Variants in UBE2E2 observed in about 807,000 individuals in gnomAD.
UBE2E2 encodes ubiquitin conjugating enzyme E2 E2, also known as ubiquitin-conjugating enzyme E2 E2.
In UBE2E2, 6 loss-of-function variants were observed where a neutral mutation model predicts 24.7. The ratio of observed to expected loss-of-function variants is 0.24; its 90% CI spans 0.13 to 0.48. The LOEUF is 0.48. Among genes scored for constraint, UBE2E2 ranks in the 20% least tolerant of loss-of-function variants. UBE2E2 has a pLI of 0.99. For missense variants in UBE2E2, 169 were observed against 245.0 expected, an observed-to-expected ratio of 0.69 and a Z score of 2.07; for synonymous variants, 104 against 83.6, an observed-to-expected ratio of 1.24 and a Z score of -1.33.
intron 3 of UBE2E2, among the ~76,000 whole-genome samples, chr3:23,320,942 C>T (rs546877992): frequency 6.6e-6 from 1 of 152,316 alleles, no homozygotes; most frequent in East Asian, 1.9e-4. Flanking sequence ...TAGTGCCTCA[C>T]AGTTCTGAGA....
chr3:23,480,422 T>C (rs1699232751), intron 3 of UBE2E2, among the ~76,000 whole-genome samples: 2 of 152,182 alleles, frequency 1.3e-5, no homozygotes, highest in South Asian at 2.1e-4. Context: ...TCTGGAGCCA[T>C]GGCTGGGTGG....
intron 3 of UBE2E2, among the ~76,000 whole-genome samples, chr3:23,458,132 T>C (rs193083054): frequency 9.8e-4 from 149 of 152,238 alleles, no homozygotes; most frequent in African/African-American, 3.3e-3. Flanking sequence ...TCATCATTGC[T>C]AGCTTTTGAT....
chr3:23,317,594 G>A (rs1167201637), intron 3 of UBE2E2, among the ~76,000 whole-genome samples: 2 of 152,174 alleles, frequency 1.3e-5, no homozygotes, highest in Non-Finnish European at 2.9e-5. Flanking sequence ...AATGGTGGAA[G>A]GCAAGGAGGA....
chr3:23,295,386 T>G (rs1376652680), intron 3 of UBE2E2, among the ~76,000 whole-genome samples: 1 of 152,178 alleles, frequency 6.6e-6, no homozygotes, highest in Non-Finnish European at 1.5e-5. Flanking sequence ...TGTTTCTCTG[T>G]GTTTTAGGGT....
At chr3:23,211,722 A>C (rs1257348858) in intron 2 of UBE2E2, among the ~76,000 whole-genome samples, 1 of 152,128 alleles carries the variant, frequency 6.6e-6, no homozygotes, top group Non-Finnish European at 1.5e-5. Flanking sequence ...ATAATTTAAC[A>C]GCTCAAAGCC....
At chr3:23,584,833 A>G (rs1696581005) in intron 5 of UBE2E2, among the ~76,000 whole-genome samples, 1 of 150,628 alleles carries the variant, frequency 6.6e-6, no homozygotes, top group South Asian at 2.1e-4. Flanking sequence ...CAACCTCCCA[A>G]AGTGCTGAGA....
intron 3 of UBE2E2, among the ~76,000 whole-genome samples, chr3:23,300,790 TTG>T: frequency 6.6e-6 from 1 of 152,240 alleles, no homozygotes; most frequent in East Asian, 1.9e-4. Flanking sequence ...AGAAGTATCT[TTG>T]TGGTGTTCTC....
intron 3 of UBE2E2, among the ~76,000 whole-genome samples, chr3:23,497,242 A>G (rs1239542534): frequency 6.6e-6 from 1 of 152,180 alleles, no homozygotes; most frequent in East Asian, 1.9e-4. Context: ...CAGAATCACT[A>G]GTGGCCCTTC....
At chr3:23,329,418 T>A (rs1695001693) in intron 3 of UBE2E2, among the ~76,000 whole-genome samples, 1 of 152,194 alleles carries the variant, frequency 6.6e-6, no homozygotes, top group African/African-American at 2.4e-5. Context: ...TGTTTATATT[T>A]TGCCGAAGTA....
chr3:23,416,987 G>A lies in UBE2E2; in HGVS notation c.228-82621G>A, dbSNP rs1035680415. Among the ~76,000 whole-genome samples the A allele has an allele frequency of 7.9e-5, 12 of 152,156 alleles. No individual in the cohort carries two copies. In the South Asian group the frequency reaches 8.3e-4, roughly 11 times the overall value. On this transcript the variant is annotated intron_variant, in intron 3 of 5. Transcript: ENST00000396703. ...CAAGGTTCTTAGCTTCCTTGCATTG[G>A]GTTAGAACATGCTCCTTTAGCTCGG...
At chr3:23,265,036 G>T (rs763850491) in intron 3 of UBE2E2, among the ~76,000 whole-genome samples, 35 of 152,184 alleles carry the variant, frequency 2.3e-4, no homozygotes, top group Non-Finnish European at 3.7e-4. Flanking sequence ...TGCAAGGTGA[G>T]AAAGCGGCAA....
At chr3:23,545,489 A>G (rs933757610) in intron 5 of UBE2E2, among the ~76,000 whole-genome samples, 3 of 152,200 alleles carry the variant, frequency 2.0e-5, no homozygotes, top group African/African-American at 4.8e-5. Flanking sequence ...TTCAGAGAGC[A>G]TGGGGTTGGG....
At chr3:23,496,231 C>A (rs181427095) in intron 3 of UBE2E2, among the ~76,000 whole-genome samples, 1 of 152,162 alleles carries the variant, frequency 6.6e-6, no homozygotes, top group Admixed American at 6.5e-5. Context: ...TATTGGTAGA[C>A]CTTTGACATA....
intron 3 of UBE2E2, among the ~76,000 whole-genome samples, chr3:23,401,066 T>C (rs1375616034): frequency 6.6e-6 from 1 of 152,212 alleles, no homozygotes; most frequent in Non-Finnish European, 1.5e-5. Flanking sequence ...AAGGCCTTTC[T>C]CAGATGGTTA....
intron 4 of UBE2E2, among the ~76,000 whole-genome samples, chr3:23,509,382 A>C (rs1313254309): frequency 6.6e-6 from 1 of 152,252 alleles, no homozygotes; most frequent in East Asian, 1.9e-4. Context: ...ATAATATTCT[A>C]CGTGTGATGA....
At chr3:23,333,898 T>C (rs1180404634) in intron 3 of UBE2E2, among the ~76,000 whole-genome samples, 1 of 152,170 alleles carries the variant, frequency 6.6e-6, no homozygotes, top group African/African-American at 2.4e-5. Flanking sequence ...GATAACAGAC[T>C]AGTAAATACT....
At chr3:23,578,174 A>C (rs1028662189) in intron 5 of UBE2E2, among the ~76,000 whole-genome samples, 2 of 152,226 alleles carry the variant, frequency 1.3e-5, no homozygotes, top group Non-Finnish European at 2.9e-5. Flanking sequence ...GCCAATAAAA[A>C]TATGAAAAAA....
rs1249440752 is a variant in UBE2E2 at position 23,589,591 on chromosome 3, G to A, written c.509-143G>A. 1 of 718,010 alleles carries A rather than the reference G, an allele frequency of 1.4e-6. No homozygotes were observed. The highest frequency in any genetic ancestry group is 2.5e-5 in the Admixed American group (1 of 39,648). 44.5% of individuals were successfully genotyped at this position (718,010 alleles called of 1,614,324 possible). On this transcript the variant is annotated intron_variant, in intron 5 of 5. Coordinates refer to ENST00000396703, the MANE Select transcript of UBE2E2 (RefSeq NM_152653.4). The surrounding 1 kb of genome is among the most constrained non-coding windows in gnomAD (Gnocchi z 4.1). ...GAAATGTAGTCTGTCAGCAGCAGGT[G>A]ACTGGCTCAGCCGCAGCAATGGTGG... is the stretch of plus-strand genomic sequence containing the variant.
intron 4 of UBE2E2, among the ~76,000 whole-genome samples, chr3:23,516,322 G>C (rs1575679314): frequency 6.6e-6 from 1 of 152,154 alleles, no homozygotes; most frequent in East Asian, 1.9e-4. Flanking sequence ...ACTTGAGTTT[G>C]TGAGATTACT....
Sources: gnomAD v4.1 joint callset for allele counts (sites outside exome capture counted in the v4.1 genomes callset) on GRCh38, gnomAD v4.1.1 for gene constraint, Gnocchi (gnomAD v3.1) non-coding constraint, MANE v1.5 for transcripts, NCBI Gene and HGNC (gene_info 2026-07-23, HGNC 2026-07-21) for gene names.